CSTPP1: variants seen among roughly 807,000 people sequenced by gnomAD.
The protein encoded by CSTPP1 is centriolar satellite-associated tubulin polyglutamylase complex regulator 1, also known as UPF0705 protein C11orf49.
the CSTPP1 span, among the ~76,000 whole-genome samples, chr11:47,035,489 A>G: frequency 6.6e-6 from 1 of 152,228 alleles, no homozygotes; most frequent in Non-Finnish European, 1.5e-5. Flanking sequence ...TTAAGCAGAT[A>G]CTTGCAACAC....
At chr11:47,152,531 CA>C in the CSTPP1 span, among the ~76,000 whole-genome samples, 1 of 150,312 alleles carries the variant, frequency 6.7e-6, no homozygotes, top group Non-Finnish European at 1.5e-5. Context: ...GGCTGCGAGG[CA>C]GGGGTAGCCC....
At chr11:46,977,615 A>G in the CSTPP1 span, among the ~76,000 whole-genome samples, 10 of 152,246 alleles carry the variant, frequency 6.6e-5, no homozygotes, top group African/African-American at 1.9e-4. Context: ...TTAGGCTTTC[A>G]GCAAAGCTGT....
At chr11:47,060,578 C>G in the CSTPP1 span, among the ~76,000 whole-genome samples, 7 of 151,998 alleles carry the variant, frequency 4.6e-5, no homozygotes, top group African/African-American at 1.7e-4. Context: ...TGCCTGCTAC[C>G]CCAGGTTATG....
the CSTPP1 span, among the ~76,000 whole-genome samples, chr11:47,015,632 TACTTCTGA>T: frequency 6.6e-6 from 1 of 152,014 alleles, no homozygotes; most frequent in Non-Finnish European, 1.5e-5. Flanking sequence ...TGAAAAGAAG[TACTTCTGA>T]ACTCAATCTA....
chr11:47,054,736 G>A, the CSTPP1 span, among the ~76,000 whole-genome samples: 5 of 152,124 alleles, frequency 3.3e-5, no homozygotes, highest in Non-Finnish European at 7.3e-5. Flanking sequence ...TTGAGTGAGA[G>A]ATTAGACCCA....
At chr11:47,037,942 C>T in the CSTPP1 span, among the ~76,000 whole-genome samples, 1 of 127,626 alleles carries the variant, frequency 7.8e-6, no homozygotes, top group African/African-American at 2.5e-5. Context: ...AGAGGGGCTC[C>T]TCACTTCCCA....
At chr11:47,131,974 T>TA in the CSTPP1 span, among the ~76,000 whole-genome samples, 902 of 142,094 alleles carry the variant, frequency 6.3e-3, 5 homozygotes, top group African/African-American at 0.019. Flanking sequence ...GAGACTCTGT[T>TA]AAAAAAAAAA....
At chr11:47,161,711 C>T in the CSTPP1 span, 1 of 1,526,066 alleles carries the variant, frequency 6.6e-7, no homozygotes, top group Non-Finnish European at 8.8e-7. Context: ...CACCCAGCCT[C>T]CTCTCCAGCA....
At chr11:47,118,541 T>G in the CSTPP1 span, among the ~76,000 whole-genome samples, 1 of 152,332 alleles carries the variant, frequency 6.6e-6, no homozygotes, top group Admixed American at 6.5e-5. Flanking sequence ...GCTCTGATTT[T>G]TAGAATTTTC....
At chr11:46,990,310 T>C in the CSTPP1 span, among the ~76,000 whole-genome samples, 1 of 152,184 alleles carries the variant, frequency 6.6e-6, no homozygotes, top group Non-Finnish European at 1.5e-5. Flanking sequence ...GTGTTTTTTC[T>C]TTTTTGACTT....
chr11:47,142,418 T>C, the CSTPP1 span, among the ~76,000 whole-genome samples: 1 of 152,096 alleles, frequency 6.6e-6, no homozygotes, highest in Non-Finnish European at 1.5e-5. Flanking sequence ...AGTACTTCAT[T>C]TCGCCAAATG....
chr11:47,127,054 G>T, the CSTPP1 span, among the ~76,000 whole-genome samples: 1 of 152,268 alleles, frequency 6.6e-6, no homozygotes, highest in South Asian at 2.1e-4. Context: ...CATAGACGAA[G>T]GAAAAGCAGG....
the CSTPP1 span, among the ~76,000 whole-genome samples, chr11:46,960,377 C>T: frequency 6.6e-6 from 1 of 152,066 alleles, no homozygotes; most frequent in Non-Finnish European, 1.5e-5. Flanking sequence ...TTTTTATCAA[C>T]CCATAAAGAA....
the CSTPP1 span, among the ~76,000 whole-genome samples, chr11:47,135,574 C>A: frequency 1.3e-5 from 2 of 152,196 alleles, no homozygotes; most frequent in South Asian, 4.1e-4. Flanking sequence ...ATTATCTGGT[C>A]ACTACTTCAG....
chr11:47,079,224 C>T, the CSTPP1 span, among the ~76,000 whole-genome samples: 1 of 152,172 alleles, frequency 6.6e-6, no homozygotes, highest in Non-Finnish European at 1.5e-5. Flanking sequence ...TCAAAAAGAT[C>T]TGTAGCTGCA....
the CSTPP1 span, chr11:47,109,335 G>A: frequency 6.6e-6 from 1 of 152,074 alleles, no homozygotes; most frequent in African/African-American, 2.4e-5. Context: ...ATGAGGGACA[G>A]AGCTCACATC....
the CSTPP1 span, among the ~76,000 whole-genome samples, chr11:47,089,519 G>T: frequency 6.6e-6 from 1 of 152,166 alleles, no homozygotes; most frequent in Non-Finnish European, 1.5e-5. Flanking sequence ...GTTTTGATTT[G>T]CATTAAACAT....
At chr11:47,010,397 C>T in the CSTPP1 span, among the ~76,000 whole-genome samples, 1 of 152,202 alleles carries the variant, frequency 6.6e-6, no homozygotes, top group Non-Finnish European at 1.5e-5. Flanking sequence ...CTCTGGCTAT[C>T]TTAAGCAAAG....
the CSTPP1 span, among the ~76,000 whole-genome samples, chr11:46,944,662 C>A: frequency 1.9e-3 from 285 of 152,284 alleles, 1 homozygote; most frequent in African/African-American, 6.8e-3. Flanking sequence ...AAGACTCTCA[C>A]TGCACACTGC....
Sources: allele counts gnomAD v4.1 joint callset (sites outside exome capture counted in the v4.1 genomes callset), GRCh38; gene constraint gnomAD v4.1.1; transcripts MANE v1.5; gene names NCBI Gene and HGNC (gene_info 2026-07-23, HGNC 2026-07-21).